Variants in RASGEF1B observed in about 807,000 individuals in gnomAD.
RASGEF1B encodes RasGEF domain family member 1B.
Under a neutral mutation model 65.7 loss-of-function variants are expected in RASGEF1B, and 30 were observed. That is an observed-to-expected ratio of 0.46 (90% CI 0.34 to 0.62). The LOEUF (loss-of-function observed/expected upper bound fraction) is 0.62. RASGEF1B is among the 20% of genes least tolerant of loss of function. The pLI is 0.01. For synonymous variants in RASGEF1B, 175 were observed against 194.8 expected (o/e 0.90, Z 0.85); for missense variants, 495 against 580.1 (o/e 0.85, Z 1.51).
At chr4:81,467,091 A>G (rs1722866293) in intron 1 of RASGEF1B, among the ~76,000 whole-genome samples, 1 of 151,726 alleles carries the variant, frequency 6.6e-6, no homozygotes, top group Non-Finnish European at 1.5e-5. Context: ...TGAGTCCCAC[A>G]TGCTTAGTAG....
At chr4:81,456,605 C>T (rs755346462) in intron 4 of RASGEF1B, 46 bp downstream of exon 4, 2 of 1,608,840 alleles carry the variant, frequency 1.2e-6, no homozygotes, top group East Asian at 4.5e-5. Flanking sequence ...CCCACCCAGG[C>T]TCTGCCTGGG....
At chr4:81,460,560 A>G (rs1053373222) in intron 1 of RASGEF1B, among the ~76,000 whole-genome samples, 3 of 152,202 alleles carry the variant, frequency 2.0e-5, no homozygotes, top group African/African-American at 7.2e-5. Flanking sequence ...AGATATTTGC[A>G]TCTCAATGTG....
Position 81,448,891 on chromosome 4 carries a change from T to C in RASGEF1B, c.439-607A>G, listed in dbSNP as rs116753219. Among the ~76,000 whole-genome samples, 899 of 152,296 alleles carry C rather than the reference T, an allele frequency of 5.9e-3. 3 individuals carry two copies. Among genetic ancestry groups the C allele is most frequent in the Non-Finnish European group, 0.01 (685 of 68,024 alleles). On this transcript the variant is annotated intron_variant, in intron 4 of 13. Coordinates refer to ENST00000264400, the MANE Select transcript of RASGEF1B (RefSeq NM_152545.3). ...GTGCAGTGACGTGATCTTGTCTCAC[T>C]ATAACCTCCGCCTCCCAGGTTCAAG...
At chr4:81,461,485 C>G (rs922401697) in intron 1 of RASGEF1B, among the ~76,000 whole-genome samples, 8 of 152,170 alleles carry the variant, frequency 5.3e-5, no homozygotes, top group African/African-American at 1.9e-4. Flanking sequence ...TTACTCATTG[C>G]TAGCGCAACC....
intron 1 of RASGEF1B, 74 bp from the exon 2 acceptor site, chr4:81,459,588 G>A (rs776463965): frequency 2.1e-5 from 23 of 1,111,982 alleles, no homozygotes; most frequent in Non-Finnish European, 2.9e-5. Context: ...GCTTTAATAG[G>A]CACTAAGATT....
chr4:81,460,230 A>C (rs1001365013), intron 1 of RASGEF1B, among the ~76,000 whole-genome samples: 1 of 152,184 alleles, frequency 6.6e-6, no homozygotes, highest in Non-Finnish European at 1.5e-5. Flanking sequence ...GCACTGTGAC[A>C]GTCCTGAGAT....
rs1721255855 is a variant in RASGEF1B, at chr4:81,427,166, T to C, written c.*602A>G. On this transcript the variant is annotated 3_prime_UTR_variant, in exon 14 of 14. Transcript: ENST00000264400. ...CTAACCAGCAGCCAACTCAAAACCT[T>C]GTAGGAGGAGGGAGGAGAAAAATTT... is the stretch of plus-strand genomic sequence containing the variant. 2 of 152,532 alleles carry C rather than the reference T, an allele frequency of 1.3e-5. No homozygotes were observed. Among genetic ancestry groups the C allele is most frequent in the Non-Finnish European group, 2.9e-5 (2 of 68,066 alleles). 9.4% of individuals were successfully genotyped at this position (152,532 alleles called of 1,614,324 possible). A position where few individuals can be genotyped will look rare whatever the true frequency, so the allele number is the denominator to read the frequency against.
At chr4:81,470,790 C>T (rs1471527715) in intron 1 of RASGEF1B, among the ~76,000 whole-genome samples, 1 of 152,190 alleles carries the variant, frequency 6.6e-6, no homozygotes, top group Non-Finnish European at 1.5e-5. Context: ...ACTTGTGCCA[C>T]CCTCGGCAGT....
chr4:81,438,879 A>G (rs1235818511), intron 10 of RASGEF1B, among the ~76,000 whole-genome samples: 2 of 152,062 alleles, frequency 1.3e-5, no homozygotes, highest in East Asian at 3.9e-4. Context: ...AGCTTCATCT[A>G]TGTCCCCACA....
chr4:81,440,259 T>A (rs1289133420), intron 10 of RASGEF1B, among the ~76,000 whole-genome samples: 1 of 152,142 alleles, frequency 6.6e-6, no homozygotes, highest in Non-Finnish European at 1.5e-5. Context: ...ATCAAGAATA[T>A]GGTAGATGCA....
At chr4:81,442,668 T>A (rs559113641) in intron 8 of RASGEF1B, among the ~76,000 whole-genome samples, 3 of 152,364 alleles carry the variant, frequency 2.0e-5, no homozygotes, top group Non-Finnish European at 4.4e-5. Context: ...TACAAGACAC[T>A]ATCACTGTCA....
At chr4:81,431,619 G>A (rs1721429963) in intron 13 of RASGEF1B, among the ~76,000 whole-genome samples, 1 of 152,108 alleles carries the variant, frequency 6.6e-6, no homozygotes, top group Non-Finnish European at 1.5e-5. Flanking sequence ...ACAAAAATAA[G>A]AGAAAATGTG....
At chr4:81,432,421 A>ATAT in intron 12 of RASGEF1B, 50 bp from the exon 13 acceptor site, 1 of 1,165,284 alleles carries the variant, frequency 8.6e-7, no homozygotes, top group Non-Finnish European at 1.3e-6. Flanking sequence ...TTCTCCTGAT[A>ATAT]TATTATCTAC....
chr4:81,444,680 G>A (rs1422699809), intron 8 of RASGEF1B, among the ~76,000 whole-genome samples: 2 of 152,134 alleles, frequency 1.3e-5, no homozygotes, highest in African/African-American at 4.8e-5. Flanking sequence ...GGGATTACAG[G>A]CATGTGCCAC....
intron 4 of RASGEF1B, chr4:81,452,961 A>G (rs1722316167): frequency 6.6e-6 from 1 of 151,514 alleles, no homozygotes; most frequent in Non-Finnish European, 1.5e-5. Flanking sequence ...ACCTGACTAA[A>G]TTATATATAC....
chr4:81,445,140 A>C (rs1560700312), intron 8 of RASGEF1B, among the ~76,000 whole-genome samples: 1 of 152,218 alleles, frequency 6.6e-6, no homozygotes, highest in East Asian at 1.9e-4. Context: ...CAGTTAGAAA[A>C]TGTACCAGTT....
chr4:81,458,290 T>A (rs944756146), intron 2 of RASGEF1B, among the ~76,000 whole-genome samples: 2 of 152,194 alleles, frequency 1.3e-5, no homozygotes, highest in Non-Finnish European at 2.9e-5. Context: ...AATTTCAGAC[T>A]CCCAATGAAA....
chr4:81,432,177 G>C (rs189949490), intron 13 of RASGEF1B, 122 bp downstream of exon 13: 3 of 585,532 alleles, frequency 5.1e-6, no homozygotes, highest in Non-Finnish European at 9.1e-6. Context: ...TGGTGTACAA[G>C]AGATAAAGTG....
At chr4:81,458,317 A>AT (rs777840567) in intron 2 of RASGEF1B, among the ~76,000 whole-genome samples, 15 of 152,014 alleles carry the variant, frequency 9.9e-5, no homozygotes, top group Non-Finnish European at 1.8e-4. Context: ...ATTCCATGGG[A>AT]TTTTTCTTTT....
Sources: allele counts gnomAD v4.1 joint callset (sites outside exome capture counted in the v4.1 genomes callset), GRCh38; gene constraint gnomAD v4.1.1; transcripts MANE v1.5; gene names NCBI Gene and HGNC (gene_info 2026-07-23, HGNC 2026-07-21).